Variants in UBE2F observed in about 807,000 individuals in gnomAD.
UBE2F encodes the protein ubiquitin conjugating enzyme E2 F (putative).
UBE2F carries 5 observed loss-of-function variants against 29.6 expected under a neutral mutation model. That is an observed-to-expected ratio of 0.17 (90% confidence interval 0.09 to 0.36). The LOEUF (loss-of-function observed/expected upper bound fraction) is 0.36, where lower values mean the gene tolerates loss of function less well. UBE2F is among the 10% of genes least tolerant of loss of function. The pLI is 1.00. For missense variants in UBE2F, 141 were observed against 228.5 expected (o/e 0.62, Z 2.47); for synonymous variants, 66 against 81.8 (o/e 0.81, Z 1.04).
intron 4 of UBE2F, among the ~76,000 whole-genome samples, chr2:238,015,283 T>C (rs544019901): frequency 6.6e-6 from 1 of 152,326 alleles, no homozygotes; most frequent in East Asian, 1.9e-4. Context: ...AAATTGCTTG[T>C]AGCCTATTTA....
intron 4 of UBE2F, among the ~76,000 whole-genome samples, chr2:237,996,768 G>C (rs1022020229): frequency 6.6e-6 from 1 of 152,110 alleles, no homozygotes; most frequent in East Asian, 1.9e-4. Context: ...GAGCCACTGC[G>C]CCCAGCCCCC....
At chr2:238,010,724 T>C (rs2064003447) in intron 4 of UBE2F, among the ~76,000 whole-genome samples, 1 of 152,180 alleles carries the variant, frequency 6.6e-6, no homozygotes, top group African/African-American at 2.4e-5. Context: ...CAGAATGCTT[T>C]ACCCTGAATG....
chr2:237,974,972 A>G (rs939228083), intron 2 of UBE2F, among the ~76,000 whole-genome samples: 1 of 150,846 alleles, frequency 6.6e-6, no homozygotes, highest in Non-Finnish European at 1.5e-5. Flanking sequence ...GAGTTTCACC[A>G]TGTTAGCCAG....
At position 238,041,427 on chromosome 2, in the gene UBE2F, T is replaced by G. The variant is rs946765349; in HGVS notation, c.*89T>G. ...GAGGTAGCCCCCTCTCCCGTCCTCA[T>G]GCTCCCTCTCAGTCCCCTGGATTGC... On this transcript the variant is annotated 3_prime_UTR_variant, in exon 10 of 10. Transcript: ENST00000272930. 1.4e-6 allele frequency: 2 copies of G among 1,399,438 alleles called. No homozygotes were observed. Among genetic ancestry groups the G allele is most frequent in the Admixed American group, 3.4e-5 (2 of 57,980 alleles). The allele number at this position is 1,399,438 out of a possible 1,614,324, so 86.7% of individuals were successfully genotyped here. A position where few individuals can be genotyped will look rare whatever the true frequency, so the allele number is the denominator to read the frequency against.
intron 4 of UBE2F, among the ~76,000 whole-genome samples, chr2:237,998,607 G>A (rs2063732076): frequency 1.6e-5 from 2 of 121,282 alleles, no homozygotes; most frequent in African/African-American, 8.0e-5. Context: ...TTTGACTGCC[G>A]TGAGCTTTTT....
chr2:238,025,179 G>A (rs913128438), intron 5 of UBE2F, 163 bp from the exon 6 acceptor site: 2 of 641,054 alleles, frequency 3.1e-6, no homozygotes, highest in Admixed American at 4.5e-5. Flanking sequence ...CATGGGTGAG[G>A]TGAGCCAGTA....
intron 3 of UBE2F, among the ~76,000 whole-genome samples, chr2:237,989,770 C>T (rs576606763): frequency 2.0e-5 from 3 of 152,240 alleles, no homozygotes; most frequent in Admixed American, 1.3e-4. Context: ...GATTGCTTGA[C>T]CTCAAAGTTT....
intron 1 of UBE2F, among the ~76,000 whole-genome samples, chr2:237,969,836 T>C (rs1335896367): frequency 6.6e-6 from 1 of 152,188 alleles, no homozygotes; most frequent in East Asian, 1.9e-4. Context: ...ACTATTTGCC[T>C]GTGAAGTAAC....
intron 4 of UBE2F, among the ~76,000 whole-genome samples, chr2:238,015,060 G>A (rs1207665418): frequency 1.3e-5 from 2 of 152,180 alleles, no homozygotes; most frequent in Non-Finnish European, 2.9e-5. Flanking sequence ...TCTGCAATCA[G>A]TTGATGAATG....
At chr2:238,024,204 T>C (rs1342144116) in intron 5 of UBE2F, among the ~76,000 whole-genome samples, 1 of 152,222 alleles carries the variant, frequency 6.6e-6, no homozygotes, top group Admixed American at 6.5e-5. Context: ...TGATGGAGTG[T>C]ATATATTCTT....
chr2:238,024,256 A>G (rs1438387528), intron 5 of UBE2F, among the ~76,000 whole-genome samples: 2 of 152,110 alleles, frequency 1.3e-5, no homozygotes, highest in Non-Finnish European at 2.9e-5. Context: ...TTTATTAGAT[A>G]TTTACGTATG....
Position 237,994,757 on chromosome 2 carries a change from G to A in UBE2F, c.162G>A (p.Val54=), listed in dbSNP as rs12615308. ...LEANLPCTCK[V]HFPDPNKLHC... ...TTTCTTTTGCAGGTACATGTAAAGT[G>A]CATTTTCCTGATCCAAACAAGCTTC... Residue 54 remains valine, a synonymous_variant, in exon 4 of 10, where the codon GTG becomes GTA. Transcript: ENST00000272930. The A allele has an allele frequency of 0.14, 220,048 of 1,612,564 alleles. 16,351 individuals carry two copies. Among genetic ancestry groups the A allele is most frequent in the Middle Eastern group, 0.18 (1,107 of 6,056 alleles).
At chr2:238,016,032 G>A (rs973404374) in intron 4 of UBE2F, among the ~76,000 whole-genome samples, 12 of 152,292 alleles carry the variant, frequency 7.9e-5, no homozygotes, top group African/African-American at 2.6e-4. Flanking sequence ...GCTCTGTTCT[G>A]AAGGCTGCAT....
chr2:238,040,191 T>C lies in UBE2F; in HGVS notation c.508-1097T>C, dbSNP rs1425614800. On this transcript the variant is annotated intron_variant, in intron 9 of 9. Coordinates refer to ENST00000272930, the MANE Select transcript of UBE2F (RefSeq NM_080678.3). This position sits in a 1 kb window ranked among gnomAD's most constrained non-coding sequence, Gnocchi z 4.4. ...CCCGCCCTGGAAAGGGTCGCTGTGCTAACTAAAAGTGTGGCAGGAGGGCAG... is the reference window on the plus strand; with the variant it reads ...CCCGCCCTGGAAAGGGTCGCTGTGCCAACTAAAAGTGTGGCAGGAGGGCAG... 6.6e-6 allele frequency among the ~76,000 whole-genome samples: 1 copy of C among 152,232 alleles called. No homozygotes were observed. Among genetic ancestry groups the C allele is most frequent in the East Asian group, 1.9e-4 (1 of 5,196 alleles).
chr2:238,037,096 C>A, intron 9 of UBE2F, among the ~76,000 whole-genome samples: 1 of 152,110 alleles, frequency 6.6e-6, no homozygotes, highest in Admixed American at 6.5e-5. Context: ...TTTTAATCTT[C>A]AATTCCACTT....
At chr2:237,970,529 G>T (rs1262099016) in intron 1 of UBE2F, among the ~76,000 whole-genome samples, 1 of 152,182 alleles carries the variant, frequency 6.6e-6, no homozygotes, top group Non-Finnish European at 1.5e-5. Flanking sequence ...AGTGAGAGAA[G>T]TCCATTCCAA....
At chr2:237,994,009 CTTAGGTAG>C (rs1050366163) in intron 3 of UBE2F, among the ~76,000 whole-genome samples, 1 of 151,986 alleles carries the variant, frequency 6.6e-6, no homozygotes, top group African/African-American at 2.4e-5. Context: ...TGATTTACCA[CTTAGGTAG>C]TAAAGGTATT....
chr2:238,009,416 C>G (rs1676286297), intron 4 of UBE2F, among the ~76,000 whole-genome samples: 1 of 152,130 alleles, frequency 6.6e-6, no homozygotes. Flanking sequence ...GGTCGCAGGT[C>G]TTCGTTCACT....
At chr2:237,983,461 G>A (rs943816878) in intron 2 of UBE2F, among the ~76,000 whole-genome samples, 1 of 152,078 alleles carries the variant, frequency 6.6e-6, no homozygotes, top group Admixed American at 6.6e-5. Flanking sequence ...GCATTTAATG[G>A]GCCACGTGCC....
Sources: allele counts gnomAD v4.1 joint callset (sites outside exome capture counted in the v4.1 genomes callset), GRCh38; gene constraint gnomAD v4.1.1; non-coding constraint Gnocchi (gnomAD v3.1); transcripts MANE v1.5; gene names NCBI Gene and HGNC (gene_info 2026-07-23, HGNC 2026-07-21).